The following TEX11 variants were observed in gnomAD, a reference collection of about 807,000 sequenced individuals.
TEX11 encodes the protein testis expressed 11.
In TEX11, 7 loss-of-function variants were observed where a neutral mutation model predicts 84.4. That is an observed-to-expected ratio of 0.08 (90% CI 0.05 to 0.16). The LOEUF is 0.16. TEX11 is among the 10% of genes least tolerant of loss of function. The pLI is 1.00. For missense variants in TEX11, 551 were observed against 660.5 expected, an observed-to-expected ratio of 0.83 and a Z score of 1.82; for synonymous variants, 264 against 222.8, an observed-to-expected ratio of 1.18 and a Z score of -1.64.
chrX:70,744,378 A>G (rs1367714866), intron 9 of TEX11, among the ~76,000 whole-genome samples, 159 bp from the exon 10 acceptor site: 2 of 109,121 alleles, frequency 1.8e-5, no homozygotes, highest in Non-Finnish European at 3.8e-5. Context: ...TATTATCCAT[A>G]TGATATAATG....
chrX:70,714,229 G>T (rs1358262794), intron 13 of TEX11, among the ~76,000 whole-genome samples: 1 of 110,991 alleles, frequency 9.0e-6, no homozygotes, highest in African/African-American at 3.3e-5. Context: ...GTCAATTTTG[G>T]AATAGGTGTG....
chrX:70,708,182 C>G (rs936924990), intron 13 of TEX11, among the ~76,000 whole-genome samples: 2 of 111,031 alleles, frequency 1.8e-5, no homozygotes, highest in African/African-American at 6.5e-5. Context: ...AAGCTGCCAA[C>G]AAACATGTGA....
chrX:70,758,241 C>T lies in TEX11; in HGVS notation c.693-14022G>A, dbSNP rs978931395. Among the ~76,000 whole-genome samples the T allele has an allele frequency of 7.2e-5, 8 of 111,695 alleles. No homozygotes were observed. The East Asian group carries it at 1.7e-3, about 24-fold the overall frequency. On this transcript the variant is annotated intron_variant, in intron 9 of 29. Coordinates refer to ENST00000374333, the MANE Select transcript of TEX11 (RefSeq NM_031276.3). ...ATGACAGAAAGTTAACAAGGATATT[C>T]GGGACTTGAACTCAGCTCTGGACCA... is the stretch of plus-strand genomic sequence containing the variant.
intron 9 of TEX11, among the ~76,000 whole-genome samples, chrX:70,766,498 T>A (rs1332101624): frequency 1.8e-5 from 2 of 110,785 alleles, no homozygotes; most frequent in African/African-American, 6.6e-5. Context: ...AGTGGAAAGA[T>A]ATTACATGTT....
chrX:70,723,445 G>T (rs574823115), intron 12 of TEX11, among the ~76,000 whole-genome samples: 3 of 111,479 alleles, frequency 2.7e-5, no homozygotes, highest in African/African-American at 9.7e-5. Context: ...TGAAAAATTA[G>T]AAAGCAAACT....
intron 11 of TEX11, among the ~76,000 whole-genome samples, chrX:70,738,253 A>C (rs1269461188): frequency 8.9e-6 from 1 of 112,104 alleles, no homozygotes; most frequent in Non-Finnish European, 1.9e-5. Context: ...CAAATTTATA[A>C]GAAAAAAACA....
At chrX:70,573,518 A>G (rs2147467086) in intron 25 of TEX11, among the ~76,000 whole-genome samples, 1 of 111,581 alleles carries the variant, frequency 9.0e-6, no homozygotes, top group African/African-American at 3.2e-5. Flanking sequence ...GATCAGCTCC[A>G]ATTGCCTTTT....
intron 17 of TEX11, among the ~76,000 whole-genome samples, chrX:70,646,670 C>T (rs950403613): frequency 1.8e-5 from 2 of 111,608 alleles, no homozygotes; most frequent in Non-Finnish European, 3.8e-5. Context: ...ATTAAAACCA[C>T]GATGATAACA....
At chrX:70,790,960 C>CT (rs2091114396) in intron 9 of TEX11, among the ~76,000 whole-genome samples, 1 of 111,897 alleles carries the variant, frequency 8.9e-6, no homozygotes, top group Non-Finnish European at 1.9e-5. Flanking sequence ...TATTATTATA[C>CT]TTTAAGTTTT....
At chrX:70,518,246 T>A in the TEX11 span, among the ~76,000 whole-genome samples, 1 of 112,016 alleles carries the variant, frequency 8.9e-6, no homozygotes, top group Non-Finnish European at 1.9e-5. Flanking sequence ...TCCTGCTTTC[T>A]CTTGTGGGCA....
intron 4 of TEX11, among the ~76,000 whole-genome samples, chrX:70,872,629 A>G (rs770438685): frequency 1.8e-5 from 2 of 112,362 alleles, no homozygotes; most frequent in Non-Finnish European, 3.8e-5. Flanking sequence ...GAACATTGCC[A>G]GACAGTGGAC....
chrX:70,818,035 T>C (rs1325547739), intron 8 of TEX11, among the ~76,000 whole-genome samples: 1 of 111,303 alleles, frequency 9.0e-6, no homozygotes, highest in Non-Finnish European at 1.9e-5. Context: ...GAGCCTGTAA[T>C]CCCAGCACTT....
At chrX:70,835,764 C>A (rs764027129) in intron 7 of TEX11, among the ~76,000 whole-genome samples, 2 of 111,978 alleles carry the variant, frequency 1.8e-5, no homozygotes, top group African/African-American at 3.2e-5. Context: ...GATGTGAAAG[C>A]ATTTCATAAA....
intron 5 of TEX11, among the ~76,000 whole-genome samples, chrX:70,859,846 T>C (rs2147857764): frequency 9.1e-6 from 1 of 109,951 alleles, no homozygotes; most frequent in Admixed American, 9.8e-5. Context: ...TGAAACCCTG[T>C]CTCTACTAAA....
intron 8 of TEX11, among the ~76,000 whole-genome samples, chrX:70,826,733 G>A (rs755070588): frequency 2.2e-4 from 24 of 111,557 alleles, no homozygotes; most frequent in Non-Finnish European, 3.2e-4. Context: ...CTTAGCCACA[G>A]GAGAATTACC....
At chrX:70,546,824 A>G (rs1193039862) in intron 28 of TEX11, among the ~76,000 whole-genome samples, 1 of 110,708 alleles carries the variant, frequency 9.0e-6, no homozygotes, top group Non-Finnish European at 1.9e-5. Flanking sequence ...AGTTAAACAT[A>G]GATTTACCTG....
At chrX:70,898,731 G>C (rs1410307357) in intron 2 of TEX11, among the ~76,000 whole-genome samples, 1 of 108,993 alleles carries the variant, frequency 9.2e-6, no homozygotes, top group African/African-American at 3.3e-5. Context: ...TCAGCCTCCC[G>C]AGTAGCTGGG....
the TEX11 span, among the ~76,000 whole-genome samples, chrX:70,521,039 G>A: frequency 1.8e-5 from 2 of 111,818 alleles, no homozygotes; most frequent in African/African-American, 6.5e-5. Flanking sequence ...AGTACAGTCT[G>A]TCACGGCTTC....
At position 70,695,281 on chromosome X, in the gene TEX11, T is replaced by G. The variant is rs2090270444; in HGVS notation, c.1005-12456A>C. Among the ~76,000 whole-genome samples the G allele has an allele frequency of 2.7e-5, 3 of 112,281 alleles. No individual in the cohort carries two copies. In the Admixed American group the frequency reaches 2.8e-4, roughly 11 times the overall value. ...ATTGTAGGCTATCCATACAACAGAC[T>G]ACTACTCAGCAATAAAAAAGTATAA... is the stretch of plus-strand genomic sequence containing the variant. On this transcript the variant is annotated intron_variant, in intron 13 of 29. Coordinates refer to ENST00000374333, the MANE Select transcript of TEX11 (RefSeq NM_031276.3).
Sources: allele counts gnomAD v4.1 joint callset (sites outside exome capture counted in the v4.1 genomes callset), GRCh38; gene constraint gnomAD v4.1.1; transcripts MANE v1.5; gene names NCBI Gene and HGNC (gene_info 2026-07-23, HGNC 2026-07-21).